Variants in FOXP1 observed in about 807,000 individuals in gnomAD.
FOXP1 encodes forkhead box P1.
A neutral mutation model predicts 98.2 loss-of-function variants in FOXP1; 15 were observed. The ratio of observed to expected loss-of-function variants is 0.15; its 90% CI spans 0.10 to 0.24. The LOEUF (loss-of-function observed/expected upper bound fraction) is 0.24, where lower values mean the gene tolerates loss of function less well. FOXP1 is among the 10% of genes least tolerant of loss of function. The pLI is 1.00. For synonymous variants in FOXP1, 371 were observed against 314.5 expected (o/e 1.18, Z -1.90); for missense variants, 633 against 848.5 (o/e 0.75, Z 3.15).
chr3:71,405,754 G>A (rs761127157), intron 3 of FOXP1, among the ~76,000 whole-genome samples: 1 of 151,656 alleles, frequency 6.6e-6, no homozygotes, highest in Admixed American at 6.6e-5. Flanking sequence ...TTGAGATGGA[G>A]TTTCACTCTT....
chr3:71,324,775 T>C lies in FOXP1; in HGVS notation c.-72-24895A>G, dbSNP rs150264654. Among the ~76,000 whole-genome samples the C allele has an allele frequency of 8.7e-3, 1,134 of 130,930 alleles. 30 individuals carry two copies. The highest frequency in any genetic ancestry group is 5.6e-3 in the Non-Finnish European group (323 of 57,818). The allele number at this position is 130,930 out of a possible 152,430, so 85.9% of individuals were successfully genotyped here. On this transcript the variant is annotated intron_variant, in intron 4 of 20. Transcript: ENST00000649528. ...GAACTTAAAGTATAATAAAAACAAA[T>C]AAATAAATAAATAAATACATTAGTG...
intron 6 of FOXP1, among the ~76,000 whole-genome samples, chr3:71,128,958 A>G (rs1312326188): frequency 6.6e-6 from 1 of 152,250 alleles, no homozygotes; most frequent in East Asian, 1.9e-4. Flanking sequence ...TATTTTCTGT[A>G]TATCTGTTAA....
At chr3:71,151,772 T>C (rs2060586465) in intron 6 of FOXP1, among the ~76,000 whole-genome samples, 2 of 151,604 alleles carry the variant, frequency 1.3e-5, no homozygotes, top group Non-Finnish European at 2.9e-5. Context: ...GCATCTTAAG[T>C]AGCCTGCTAC....
chr3:70,959,235 C>T lies in FOXP1; in HGVS notation c.*12G>A, dbSNP rs2106853327. On this transcript the variant is annotated 3_prime_UTR_variant, in exon 21 of 21. Transcript: ENST00000649528. Reference sequence around the variant, plus strand: ...TCCAATCTTCATTCTCGGGGTTGGCCCGCCCCGATAGTCACTCCATGTCCT... The same window carrying T: ...TCCAATCTTCATTCTCGGGGTTGGCTCGCCCCGATAGTCACTCCATGTCCT... 1 of 1,613,362 alleles carries T rather than the reference C, an allele frequency of 6.2e-7. No individual in the cohort carries two copies. Among genetic ancestry groups the T allele is most frequent in the South Asian group, 1.1e-5 (1 of 91,022 alleles).
At chr3:71,008,530 T>C (rs1295467991) in intron 12 of FOXP1, among the ~76,000 whole-genome samples, 2 of 152,106 alleles carry the variant, frequency 1.3e-5, no homozygotes, top group South Asian at 2.1e-4. Flanking sequence ...CCTGCTGCTA[T>C]CAGTTAGCAC....
chr3:71,321,031 C>A (rs1553843250), intron 4 of FOXP1, among the ~76,000 whole-genome samples: 1 of 149,482 alleles, frequency 6.7e-6, no homozygotes, highest in Non-Finnish European at 1.5e-5. Flanking sequence ...AGAATTTAAT[C>A]AAGTCGACTT....
At chr3:71,112,751 C>T (rs2058046281) in intron 6 of FOXP1, 114 bp from the exon 7 acceptor site, 2 of 758,622 alleles carry the variant, frequency 2.6e-6, no homozygotes, top group Non-Finnish European at 4.6e-6. Flanking sequence ...TTCCTATTTC[C>T]TGGCAAATGA....
chr3:71,015,849 T>G (rs1337363158), intron 11 of FOXP1, among the ~76,000 whole-genome samples, 196 bp from the exon 12 acceptor site: 3 of 152,232 alleles, frequency 2.0e-5, no homozygotes, highest in Non-Finnish European at 4.4e-5. Flanking sequence ...TGTACCTAAG[T>G]GTATTTAGTC....
chr3:71,269,889 A>T (rs2280519), intron 5 of FOXP1, among the ~76,000 whole-genome samples: 27,291 of 152,142 alleles, frequency 0.18, 3,655 homozygotes, highest in East Asian at 0.45. Flanking sequence ...ATGCTAAGAG[A>T]TTAAGGTAAA....
chr3:71,015,729 G>C (rs1175835261), intron 11 of FOXP1, 76 bp from the exon 12 acceptor site: 1 of 1,011,798 alleles, frequency 9.9e-7, no homozygotes, highest in African/African-American at 1.6e-5. Context: ...GATAAAAAAG[G>C]CAGGAGGAGC....
chr3:71,134,766 G>T, intron 6 of FOXP1, among the ~76,000 whole-genome samples: 1 of 152,110 alleles, frequency 6.6e-6, no homozygotes, highest in East Asian at 1.9e-4. Flanking sequence ...CAGCAGAAAG[G>T]GGGGAAAAGC....
chr3:71,404,644 G>A (rs1454427473), intron 3 of FOXP1, among the ~76,000 whole-genome samples: 1 of 151,112 alleles, frequency 6.6e-6, no homozygotes, highest in African/African-American at 2.4e-5. Context: ...ACAATAATTT[G>A]CTTGGAATAT....
At position 71,544,977 on chromosome 3, in the gene FOXP1, G is replaced by A. The variant is rs566960592; in HGVS notation, c.-298+36572C>T. ...AAATGTTAAGACTGTAAAGCAATACGCTGAATTTGCTTCTTGAAAGGATGA... is the reference window on the plus strand; with the variant it reads ...AAATGTTAAGACTGTAAAGCAATACACTGAATTTGCTTCTTGAAAGGATGA... On this transcript the variant is annotated intron_variant, in intron 2 of 20. Transcript: ENST00000649528. 1.8e-3 allele frequency among the ~76,000 whole-genome samples: 267 copies of A among 152,222 alleles called. 1 individual carries two copies. Among genetic ancestry groups the A allele is most frequent in the Middle Eastern group, 0.014 (4 of 294 alleles).
intron 3 of FOXP1, among the ~76,000 whole-genome samples, chr3:71,456,891 C>T (rs1452282103): frequency 6.6e-6 from 1 of 151,062 alleles, no homozygotes; most frequent in Non-Finnish European, 1.5e-5. Flanking sequence ...CAGGTTATTG[C>T]TATAGAAAAT....
At chr3:71,073,758 A>G (rs1447954192) in intron 7 of FOXP1, among the ~76,000 whole-genome samples, 1 of 152,174 alleles carries the variant, frequency 6.6e-6, no homozygotes, top group Non-Finnish European at 1.5e-5. Flanking sequence ...CACAGTGTCT[A>G]GCAAACCCTC....
At chr3:71,123,614 C>G (rs1228029267) in intron 6 of FOXP1, among the ~76,000 whole-genome samples, 2 of 152,180 alleles carry the variant, frequency 1.3e-5, no homozygotes, top group African/African-American at 4.8e-5. Context: ...ACAGTTAATG[C>G]CTCTGGACAC....
rs543291914 is a variant in FOXP1, at chr3:71,216,752, TA to T, written c.-11-18361del. Among the ~76,000 whole-genome samples the T allele has an allele frequency of 5.8e-3, 864 of 150,040 alleles. 7 individuals are homozygous for T. The highest frequency in any genetic ancestry group is 9.3e-3 in the South Asian group (44 of 4,740). On this transcript the variant is annotated intron_variant, in intron 5 of 20. Coordinates refer to ENST00000649528, the MANE Select transcript of FOXP1 (RefSeq NM_001349338.3). ...TGAGGGAAAAGGATACACCAGGAAT[TA>T]AAAAAAAAATCAGGGAAAAATATCT...
chr3:70,983,062 A>G (rs568233520), intron 14 of FOXP1, among the ~76,000 whole-genome samples: 2 of 152,350 alleles, frequency 1.3e-5, no homozygotes, highest in African/African-American at 4.8e-5. Context: ...CTGAGTTCAG[A>G]GACGGCCTTT....
chr3:70,960,314 T>G (rs2033047062), intron 20 of FOXP1, among the ~76,000 whole-genome samples: 1 of 152,134 alleles, frequency 6.6e-6, no homozygotes, highest in Non-Finnish European at 1.5e-5. Context: ...CGCTGTCAGC[T>G]GTAAACAAGG....
Sources: gnomAD v4.1 joint callset for allele counts (sites outside exome capture counted in the v4.1 genomes callset) on GRCh38, gnomAD v4.1.1 for gene constraint, MANE v1.5 for transcripts, NCBI Gene and HGNC (gene_info 2026-07-23, HGNC 2026-07-21) for gene names.